The following NSUN7 variants were observed in gnomAD, a reference collection of about 807,000 sequenced individuals.
The protein encoded by NSUN7 is NOP2/Sun RNA methyltransferase family member 7.
A neutral mutation model predicts 58.5 loss-of-function variants in NSUN7; 39 were observed. The observed-to-expected ratio is 0.67, with a 90% CI of 0.52 to 0.87. The LOEUF (loss-of-function observed/expected upper bound fraction) is 0.87. Among genes scored for constraint, NSUN7 ranks in the 40% least tolerant of loss-of-function variants. NSUN7 has a pLI of 0.00. For synonymous variants in NSUN7, 278 were observed against 303.7 expected (o/e 0.92, Z 0.88); for missense variants, 765 against 844.1 (o/e 0.91, Z 1.16).
At position 40,808,711 on chromosome 4, in the gene NSUN7, G is replaced by T. The variant is rs897048148; in HGVS notation, c.1929G>T (p.Met643Ile). ...HFLRPRPEDRMVALKPIKIVL... is the reference protein window; with the variant it reads ...HFLRPRPEDRIVALKPIKIVL... ...TAAGACCTCGGCCAGAAGACAGAAT[G>T]GTTGCTCTGAAACCCATCAAGATTG... The change falls in exon 12 of 12, where the codon ATG becomes ATT. Residue 643 changes from methionine to isoleucine, a missense_variant. By Grantham distance (10) the Met-to-Ile change is conservative. Coordinates refer to ENST00000381782, the MANE Select transcript of NSUN7 (RefSeq NM_024677.6). 41 of 1,550,962 alleles carry T rather than the reference G, an allele frequency of 2.6e-5. No homozygotes were observed. Among genetic ancestry groups the T allele is most frequent in the Non-Finnish European group, 3.2e-5 (37 of 1,146,926 alleles).
At chr4:40,802,576 T>C (rs1345071959) in intron 10 of NSUN7, among the ~76,000 whole-genome samples, 1 of 152,164 alleles carries the variant, frequency 6.6e-6, no homozygotes, top group Admixed American at 6.5e-5. Flanking sequence ...ATATTTTTAC[T>C]GCTGATACAG....
Position 40,750,642 on chromosome 4 carries a change from C to A in NSUN7, c.-52C>A. The A allele has an allele frequency of 6.3e-7, 1 of 1,583,702 alleles. No homozygotes were observed. The highest frequency in any genetic ancestry group is 8.6e-7 in the Non-Finnish European group (1 of 1,162,548). On this transcript the variant is annotated 5_prime_UTR_variant, in exon 2 of 12. Coordinates refer to ENST00000381782, the MANE Select transcript of NSUN7 (RefSeq NM_024677.6). Reference sequence around the variant, plus strand: ...ATGCGAGGAAAGCCGTTTCCTGGAACATCGGAATTCTAACCCCAGGGTGAA... The same window carrying A: ...ATGCGAGGAAAGCCGTTTCCTGGAAAATCGGAATTCTAACCCCAGGGTGAA...
At chr4:40,754,078 T>G (rs1740986837) in intron 2 of NSUN7, among the ~76,000 whole-genome samples, 1 of 152,040 alleles carries the variant, frequency 6.6e-6, no homozygotes, top group Non-Finnish European at 1.5e-5. Flanking sequence ...TTCTTGAATG[T>G]GCAAATAGAA....
intron 7 of NSUN7, among the ~76,000 whole-genome samples, chr4:40,784,523 C>G (rs961965301): frequency 6.6e-6 from 1 of 152,158 alleles, no homozygotes; most frequent in African/African-American, 2.4e-5. Context: ...CAAAAAAGTC[C>G]TCATTTATGA....
Position 40,794,393 on chromosome 4 carries a change from A to T in NSUN7, c.1199A>T (p.Asp400Val). The T allele has an allele frequency of 1.2e-6, 2 of 1,606,510 alleles. No individual in the cohort carries two copies. Among genetic ancestry groups the T allele is most frequent in the Admixed American group, 1.7e-5 (1 of 59,180 alleles). ...NEHEDTEFLK[D>V]HSQGGISVDK... is the part of the protein sequence containing the mutation. ...AATTCAGATACAGAATTCCTTAAAG[A>T]TCACTCTCAAGGAGGCATCTCAGTG... The change falls in exon 9 of 12, where the codon GAT becomes GTT. Residue 400 changes from aspartate to valine, a missense_variant. Physicochemically the swap from Asp to Val is radical, Grantham distance 152 (BLOSUM62 -3). Coordinates refer to ENST00000381782, the MANE Select transcript of NSUN7 (RefSeq NM_024677.6).
intron 8 of NSUN7, among the ~76,000 whole-genome samples, chr4:40,792,078 A>G (rs1463151930): frequency 6.6e-6 from 1 of 152,240 alleles, no homozygotes; most frequent in Non-Finnish European, 1.5e-5. Context: ...ACTTCAGCCA[A>G]AGAATAACCA....
At position 40,810,892 on chromosome 4, in the gene NSUN7, G is replaced by A. The variant is rs542553847; in HGVS notation, c.*1953G>A. 6.6e-6 allele frequency: 1 copy of A among 152,186 alleles called. No homozygotes were observed. Among genetic ancestry groups the A allele is most frequent in the Non-Finnish European group, 1.5e-5 (1 of 68,034 alleles). The allele number at this position is 152,186 out of a possible 1,614,324, so 9.4% of individuals were successfully genotyped here. On this transcript the variant is annotated 3_prime_UTR_variant, in exon 12 of 12. Coordinates refer to ENST00000381782, the MANE Select transcript of NSUN7 (RefSeq NM_024677.6). ...ATATTGTTCAGTAAAGAATCCCATTGTGTATCATAAGAATCCCTTATCCTT... is the reference window on the plus strand; with the variant it reads ...ATATTGTTCAGTAAAGAATCCCATTATGTATCATAAGAATCCCTTATCCTT...
intron 4 of NSUN7, among the ~76,000 whole-genome samples, chr4:40,764,213 G>A (rs1741599681): frequency 7.1e-6 from 1 of 141,764 alleles, no homozygotes; most frequent in Non-Finnish European, 1.5e-5. Flanking sequence ...ATCTCCTAAT[G>A]CTATCCCTCC....
At chr4:40,780,434 C>T (rs1347050896) in intron 7 of NSUN7, among the ~76,000 whole-genome samples, 2 of 151,836 alleles carry the variant, frequency 1.3e-5, no homozygotes, top group African/African-American at 4.8e-5. Context: ...ATGGTGAAAC[C>T]CTATTTCTAT....
intron 9 of NSUN7, among the ~76,000 whole-genome samples, chr4:40,796,566 G>A (rs1474627165): frequency 6.6e-6 from 1 of 152,006 alleles, no homozygotes; most frequent in African/African-American, 2.4e-5. Flanking sequence ...GGAGTTGGAG[G>A]CTGCAGTGAG....
intron 4 of NSUN7, among the ~76,000 whole-genome samples, chr4:40,764,317 A>C (rs892838114): frequency 4.1e-5 from 6 of 146,166 alleles, no homozygotes; most frequent in African/African-American, 1.5e-4. Flanking sequence ...CCTATAAGTG[A>C]GAACATGCAG....
intron 10 of NSUN7, among the ~76,000 whole-genome samples, chr4:40,801,116 A>T (rs914245154): frequency 6.6e-6 from 1 of 152,056 alleles, no homozygotes; most frequent in East Asian, 1.9e-4. Context: ...CCTCTTTAAG[A>T]TTTCTTACCT....
intron 8 of NSUN7, among the ~76,000 whole-genome samples, chr4:40,793,239 C>T (rs191916426): frequency 7.2e-5 from 11 of 152,118 alleles, no homozygotes; most frequent in East Asian, 1.9e-4. Flanking sequence ...GCCAGGAGTT[C>T]GAGTTCAGCC....
At chr4:40,774,236 T>C in intron 4 of NSUN7, 29 bp from the exon 5 acceptor site, 2 of 1,606,246 alleles carry the variant, frequency 1.2e-6, no homozygotes, top group South Asian at 1.1e-5. Flanking sequence ...TCAAATGCAA[T>C]AGATTAAGGA....
In NSUN7 at chr4:40,810,248, T is replaced by A. The variant is rs1744144653; in HGVS notation, c.*1309T>A. ...TATAGCGGTAATACATTATTTTTAT[T>A]TTAGCTTAGATTTACATTTATCAGT... On this transcript the variant is annotated 3_prime_UTR_variant, in exon 12 of 12. Coordinates refer to ENST00000381782, the MANE Select transcript of NSUN7 (RefSeq NM_024677.6). 1 of 152,108 alleles carries A rather than the reference T, an allele frequency of 6.6e-6. No homozygotes were observed. The highest frequency in any genetic ancestry group is 2.4e-5 in the African/African-American group (1 of 41,428). The allele number at this position is 152,108 out of a possible 1,614,324, so 9.4% of individuals were successfully genotyped here.
intron 2 of NSUN7, among the ~76,000 whole-genome samples, chr4:40,751,362 A>T (rs540070873): frequency 1.3e-5 from 2 of 152,104 alleles, no homozygotes. Flanking sequence ...ACCTCAAGGA[A>T]TCCTCCCTCT....
rs370158449 is a variant in NSUN7 at position 40,797,948 on chromosome 4, C to A, written c.1283-839C>A. ...ATACCAGCACCATGTTGACTTCAGG[C>A]CTTTACACTGGCTGTTCCTTTACCT... On this transcript the variant is annotated intron_variant, in intron 9 of 11. Coordinates refer to ENST00000381782, the MANE Select transcript of NSUN7 (RefSeq NM_024677.6). Among the ~76,000 whole-genome samples, 3 of 152,204 alleles carry A rather than the reference C, an allele frequency of 2.0e-5. No homozygotes were observed. The East Asian group carries it at 5.8e-4, about 29-fold the overall frequency.
intron 10 of NSUN7, among the ~76,000 whole-genome samples, chr4:40,806,522 GTCTT>G (rs1422865567): frequency 6.6e-6 from 1 of 152,070 alleles, no homozygotes; most frequent in African/African-American, 2.4e-5. Context: ...CTGACACAAA[GTCTT>G]TGTTATGTAC....
chr4:40,800,046 C>T (rs1743512954), intron 10 of NSUN7, among the ~76,000 whole-genome samples: 1 of 152,140 alleles, frequency 6.6e-6, no homozygotes, highest in Non-Finnish European at 1.5e-5. Context: ...TTTCCACCAC[C>T]ATAGAATGTG....
Sources: allele counts gnomAD v4.1 joint callset (sites outside exome capture counted in the v4.1 genomes callset), GRCh38; gene constraint gnomAD v4.1.1; transcripts MANE v1.5; gene names NCBI Gene and HGNC (gene_info 2026-07-23, HGNC 2026-07-21).